The following GPAT3 variants were observed in gnomAD, a reference collection of about 807,000 sequenced individuals.
The protein encoded by GPAT3 is glycerol-3-phosphate acyltransferase 3, also known as 1-AGP acyltransferase 9.
In GPAT3, 53 loss-of-function variants were observed where a neutral mutation model predicts 58.8. That is an observed-to-expected ratio of 0.90 (90% CI 0.72 to 1.13). The LOEUF is 1.13. Among genes scored for constraint, GPAT3 ranks in the 50% most tolerant of loss-of-function variants. GPAT3 has a pLI of 0.00. For missense variants in GPAT3, 511 were observed against 527.6 expected (o/e 0.97, Z 0.31); for synonymous variants, 197 against 187.4 (o/e 1.05, Z -0.42).
At position 83,588,335 on chromosome 4, in the gene GPAT3, G is replaced by T. The variant is rs751802077; in HGVS notation, c.644+36G>T. ...GCTCCAATGTGCCTGTCTTTTTCTA[G>T]GTCAATTCAGCATGAGATTGACAAG... On this transcript the variant is annotated intron_variant, in intron 5 of 11. Coordinates refer to ENST00000264409, the MANE Select transcript of GPAT3 (RefSeq NM_032717.5). 16 of 1,578,606 alleles carry T rather than the reference G, an allele frequency of 1.0e-5. 1 individual carries two copies. Among genetic ancestry groups the T allele is most frequent in the Non-Finnish European group, 1.2e-5 (14 of 1,149,914 alleles).
intron 11 of GPAT3, among the ~76,000 whole-genome samples, chr4:83,599,498 G>A (rs997571524): frequency 6.6e-6 from 1 of 152,152 alleles, no homozygotes; most frequent in Non-Finnish European, 1.5e-5. Context: ...GTTCTGGGTG[G>A]CTATATGCCT....
At chr4:83,540,033 C>T (rs1486725618) in intron 1 of GPAT3, among the ~76,000 whole-genome samples, 1 of 152,026 alleles carries the variant, frequency 6.6e-6, no homozygotes, top group Non-Finnish European at 1.5e-5. Flanking sequence ...TGGTGTGCAC[C>T]TGTAATCCCA....
At chr4:83,559,905 G>C (rs957091036) in intron 2 of GPAT3, among the ~76,000 whole-genome samples, 4 of 152,166 alleles carry the variant, frequency 2.6e-5, no homozygotes, top group Non-Finnish European at 4.4e-5. Context: ...TCAGACAAGA[G>C]AGACAGCCAA....
At chr4:83,582,298 G>T (rs1268528678) in intron 3 of GPAT3, among the ~76,000 whole-genome samples, 1 of 152,214 alleles carries the variant, frequency 6.6e-6, no homozygotes, top group Non-Finnish European at 1.5e-5. Context: ...ACGTGGGAGA[G>T]AGCCATTTCG....
chr4:83,590,302 G>A lies in GPAT3; in HGVS notation c.738+10G>A. On this transcript the variant is annotated intron_variant, in intron 6 of 11. Transcript: ENST00000264409. The stretch of plus-strand genomic sequence containing the variant: ...TGGATGTTATGCTATGGTAAGAGCA[G>A]CTCATTGATATTTCAAGTAGTTGCA... 6.2e-7 allele frequency: 1 copy of A among 1,606,416 alleles called. No individual in the cohort carries two copies. Among genetic ancestry groups the A allele is most frequent in the Non-Finnish European group, 8.5e-7 (1 of 1,175,956 alleles).
At chr4:83,543,997 A>G (rs116223932) in intron 1 of GPAT3, among the ~76,000 whole-genome samples, 1,683 of 152,240 alleles carry the variant, frequency 0.011, 23 homozygotes, top group African/African-American at 0.038. Flanking sequence ...CTCTTTCTGC[A>G]AGCTTATTTC....
chr4:83,585,565 G>A (rs1007738526), intron 3 of GPAT3, among the ~76,000 whole-genome samples: 4 of 151,428 alleles, frequency 2.6e-5, no homozygotes, highest in African/African-American at 9.7e-5. Flanking sequence ...ATGTGTTATT[G>A]ATGGAGTGTT....
chr4:83,564,084 C>G (rs1725290043), intron 2 of GPAT3, among the ~76,000 whole-genome samples: 1 of 152,124 alleles, frequency 6.6e-6, no homozygotes, highest in Non-Finnish European at 1.5e-5. Flanking sequence ...TTGATAGTGT[C>G]AAACTGCCCT....
At chr4:83,577,163 A>G (rs1015749388) in intron 2 of GPAT3, among the ~76,000 whole-genome samples, 1 of 152,238 alleles carries the variant, frequency 6.6e-6, no homozygotes, top group African/African-American at 2.4e-5. Flanking sequence ...GAGCTACTCT[A>G]TGAAATAAAT....
chr4:83,565,031 A>G (rs1376808804), intron 2 of GPAT3, among the ~76,000 whole-genome samples: 1 of 151,844 alleles, frequency 6.6e-6, no homozygotes, highest in Non-Finnish European at 1.5e-5. Context: ...TGTGAAAAAA[A>G]TCTTTAACCA....
At chr4:83,574,044 T>G (rs2110090834) in intron 2 of GPAT3, among the ~76,000 whole-genome samples, 1 of 152,322 alleles carries the variant, frequency 6.6e-6, no homozygotes, top group East Asian at 1.9e-4. Flanking sequence ...ATTACTAATC[T>G]GTGATCACCT....
At chr4:83,569,856 T>A (rs1273153544) in intron 2 of GPAT3, among the ~76,000 whole-genome samples, 1 of 152,090 alleles carries the variant, frequency 6.6e-6, no homozygotes, top group Non-Finnish European at 1.5e-5. Context: ...AAAGGGTGAA[T>A]TGTGTCACAA....
intron 11 of GPAT3, among the ~76,000 whole-genome samples, chr4:83,600,575 T>C (rs1727020865): frequency 6.6e-6 from 1 of 152,114 alleles, no homozygotes; most frequent in South Asian, 2.1e-4. Context: ...GCAATCTGGG[T>C]CACTGCAACT....
intron 2 of GPAT3, among the ~76,000 whole-genome samples, chr4:83,553,050 G>GT (rs762670925): frequency 6.6e-6 from 1 of 152,142 alleles, no homozygotes; most frequent in East Asian, 1.9e-4. Context: ...ATAAATTTCT[G>GT]TTTTTTGTAA....
At chr4:83,573,313 A>G (rs1280307901) in intron 2 of GPAT3, among the ~76,000 whole-genome samples, 1 of 151,814 alleles carries the variant, frequency 6.6e-6, no homozygotes, top group Non-Finnish European at 1.5e-5. Flanking sequence ...TAATTTTTGT[A>G]TTTTTAGTAG....
intron 1 of GPAT3, among the ~76,000 whole-genome samples, chr4:83,538,410 T>C (rs1724180443): frequency 6.6e-6 from 1 of 152,258 alleles, no homozygotes; most frequent in African/African-American, 2.4e-5. Flanking sequence ...TGTGAATTTC[T>C]TGACTGCTTC....
chr4:83,573,906 A>C lies in GPAT3; in HGVS notation c.209-7656A>C, dbSNP rs545099065. On this transcript the variant is annotated intron_variant, in intron 2 of 11. Transcript: ENST00000264409. ...AAATTGAACATTACCAGTACCCCAGAACATTCCCCCAAGGCCCCCTTCCAG... is the reference window on the plus strand; with the variant it reads ...AAATTGAACATTACCAGTACCCCAGCACATTCCCCCAAGGCCCCCTTCCAG... Among the ~76,000 whole-genome samples, 4 of 152,348 alleles carry C rather than the reference A, an allele frequency of 2.6e-5. No homozygotes were observed. The South Asian group carries it at 8.3e-4, about 32-fold the overall frequency.
chr4:83,548,006 T>C (rs573210486), intron 2 of GPAT3, among the ~76,000 whole-genome samples: 1 of 152,270 alleles, frequency 6.6e-6, no homozygotes, highest in Non-Finnish European at 1.5e-5. Context: ...TTAAGGACTT[T>C]TCCTCATTGT....
At chr4:83,566,160 C>T (rs1046870209) in intron 2 of GPAT3, among the ~76,000 whole-genome samples, 1 of 152,148 alleles carries the variant, frequency 6.6e-6, no homozygotes, top group Non-Finnish European at 1.5e-5. Context: ...CTGTCTCACA[C>T]ATGGGAGACC....
Sources: gnomAD v4.1 joint callset for allele counts (sites outside exome capture counted in the v4.1 genomes callset) on GRCh38, gnomAD v4.1.1 for gene constraint, MANE v1.5 for transcripts, NCBI Gene and HGNC (gene_info 2026-07-23, HGNC 2026-07-21) for gene names.